SELENOF: variants seen among roughly 807,000 people sequenced by gnomAD.
SELENOF encodes selenoprotein F.
A neutral mutation model predicts 20.5 loss-of-function variants in SELENOF; 16 were observed. The observed-to-expected ratio is 0.78, with a 90% CI of 0.53 to 1.19. The LOEUF (loss-of-function observed/expected upper bound fraction) is 1.19, where lower values mean the gene tolerates loss of function less well. SELENOF is among the 50% of genes most tolerant of loss of function. The pLI is 0.00. For missense variants in SELENOF, 215 were observed against 194.2 expected (o/e 1.11, Z -0.64); for synonymous variants, 78 against 74.5 (o/e 1.05, Z -0.24).
At chr1:86,897,310 A>C (rs2102115104) in intron 2 of SELENOF, among the ~76,000 whole-genome samples, 1 of 152,312 alleles carries the variant, frequency 6.6e-6, no homozygotes, top group Admixed American at 6.5e-5. Context: ...GGTGGAAAAA[A>C]ATCCAACAGC....
intron 3 of SELENOF, among the ~76,000 whole-genome samples, chr1:86,876,689 AAG>A (rs948573701): frequency 3.9e-5 from 6 of 152,244 alleles, no homozygotes; most frequent in Non-Finnish European, 7.3e-5. Flanking sequence ...GTAGAGTCAG[AAG>A]AGAAGAAAAT....
At chr1:86,870,201 G>C (rs1382840694) in intron 3 of SELENOF, among the ~76,000 whole-genome samples, 3 of 152,094 alleles carry the variant, frequency 2.0e-5, no homozygotes, top group Non-Finnish European at 1.5e-5. Flanking sequence ...TTTTACTTTA[G>C]AATTAGATAG....
At chr1:86,910,606 A>AGGCAGGAGACTGGCTGGGAGGCTGT (rs1659954266) in intron 1 of SELENOF, among the ~76,000 whole-genome samples, 1 of 150,840 alleles carries the variant, frequency 6.6e-6, no homozygotes, top group Admixed American at 6.6e-5. Context: ...TGGGAGGCTG[A>AGGCAGGAGACTGGCTGGGAGGCTGT]GGCAGGAGAC....
chr1:86,913,191 A>C (rs748542680), intron 1 of SELENOF, among the ~76,000 whole-genome samples: 5 of 152,200 alleles, frequency 3.3e-5, no homozygotes, highest in Non-Finnish European at 4.4e-5. Flanking sequence ...ACCTTGGATA[A>C]GTAAATTAAA....
chr1:86,892,466 T>C (rs1659414908), intron 2 of SELENOF, among the ~76,000 whole-genome samples: 1 of 152,260 alleles, frequency 6.6e-6, no homozygotes, highest in Non-Finnish European at 1.5e-5. Context: ...TTTAAGCAAC[T>C]GTGAAATTTC....
intron 1 of SELENOF, among the ~76,000 whole-genome samples, chr1:86,906,994 A>G (rs184160702): frequency 1.3e-4 from 20 of 152,358 alleles, no homozygotes; most frequent in Admixed American, 1.2e-3. Flanking sequence ...AGAACCTCAA[A>G]TGAATAATCA....
chr1:86,905,481 AG>A (rs2102128745), intron 1 of SELENOF, among the ~76,000 whole-genome samples: 1 of 152,362 alleles, frequency 6.6e-6, no homozygotes, highest in Admixed American at 6.5e-5. Flanking sequence ...CAAAAAAATC[AG>A]ATCTCAATCA....
intron 2 of SELENOF, among the ~76,000 whole-genome samples, chr1:86,892,649 G>A (rs185144564): frequency 2.0e-5 from 3 of 152,212 alleles, no homozygotes; most frequent in African/African-American, 4.8e-5. Context: ...CAATAGCCAC[G>A]CAAATTGAAA....
intron 2 of SELENOF, among the ~76,000 whole-genome samples, chr1:86,888,475 A>G (rs904855192): frequency 2.0e-5 from 3 of 152,130 alleles, no homozygotes; most frequent in Non-Finnish European, 2.9e-5. Context: ...GGGTCTTGCT[A>G]TGTTGCCCAG....
At position 86,908,586 on chromosome 1, in the gene SELENOF, T is replaced by C. The variant is rs1028470289; in HGVS notation, c.85-5138A>G. Among the ~76,000 whole-genome samples the C allele has an allele frequency of 2.6e-5, 4 of 152,230 alleles. No individual in the cohort carries two copies. The East Asian group carries it at 7.7e-4, about 29-fold the overall frequency. ...CTACCATATTTCACAGAATCCATGATACACCATTATCGTATGTACCACTAA... is the reference window on the plus strand; with the variant it reads ...CTACCATATTTCACAGAATCCATGACACACCATTATCGTATGTACCACTAA... On this transcript the variant is annotated intron_variant, in intron 1 of 4. Transcript: ENST00000331835.
intron 2 of SELENOF, among the ~76,000 whole-genome samples, chr1:86,900,675 G>C (rs1223994871): frequency 1.3e-5 from 2 of 151,860 alleles, no homozygotes; most frequent in Non-Finnish European, 2.9e-5. Flanking sequence ...GACGGAGACA[G>C]AGACGGAGAC....
At chr1:86,879,440 T>C (rs1414690935) in intron 3 of SELENOF, among the ~76,000 whole-genome samples, 1 of 152,242 alleles carries the variant, frequency 6.6e-6, no homozygotes, top group Non-Finnish European at 1.5e-5. Flanking sequence ...CCTCATTAAG[T>C]ATCCCAAGTC....
chr1:86,907,249 A>G (rs1408814672), intron 1 of SELENOF, among the ~76,000 whole-genome samples: 1 of 152,216 alleles, frequency 6.6e-6, no homozygotes, highest in Non-Finnish European at 1.5e-5. Flanking sequence ...TACTGAATAC[A>G]TGTTGGTATT....
intron 2 of SELENOF, among the ~76,000 whole-genome samples, chr1:86,898,516 T>C (rs1004511822): frequency 6.6e-6 from 1 of 151,936 alleles, no homozygotes; most frequent in Non-Finnish European, 1.5e-5. Context: ...AATGTCCTGG[T>C]AACATTTTTT....
At chr1:86,865,107 C>T (rs1036173407) in intron 4 of SELENOF, among the ~76,000 whole-genome samples, 4 of 151,856 alleles carry the variant, frequency 2.6e-5, no homozygotes, top group Admixed American at 1.3e-4. Flanking sequence ...GCAGTCAAAT[C>T]CAGCAATGTG....
chr1:86,864,076 C>A (rs1268919859), intron 4 of SELENOF, among the ~76,000 whole-genome samples: 1 of 152,172 alleles, frequency 6.6e-6, no homozygotes, highest in Non-Finnish European at 1.5e-5. Context: ...CTCAAATGAA[C>A]TTAAAATTGA....
At chr1:86,914,496 A>T, upstream of SELENOF, 1 of 261,554 alleles carries the variant, frequency 3.8e-6, no homozygotes, top group Non-Finnish European at 7.6e-6. Context: ...CCGAACCAAG[A>T]GCGAAGCGCA....
At chr1:86,869,058 T>C (rs1301084247) in intron 3 of SELENOF, among the ~76,000 whole-genome samples, 2 of 152,150 alleles carry the variant, frequency 1.3e-5, no homozygotes, top group Non-Finnish European at 2.9e-5. Flanking sequence ...GGTACTCACA[T>C]TCGGAATTAC....
chr1:86,900,145 G>T (rs1392225312), intron 2 of SELENOF, among the ~76,000 whole-genome samples: 1 of 151,416 alleles, frequency 6.6e-6, no homozygotes, highest in Admixed American at 6.6e-5. Context: ...CCCAGACGAT[G>T]GGCGGCCAGG....
Sources: allele counts gnomAD v4.1 joint callset (sites outside exome capture counted in the v4.1 genomes callset), GRCh38; gene constraint gnomAD v4.1.1; transcripts MANE v1.5; gene names NCBI Gene and HGNC (gene_info 2026-07-23, HGNC 2026-07-21).